CCDC197: variants seen among roughly 807,000 people sequenced by gnomAD.
CCDC197 encodes the protein uncharacterized protein CCDC197.
In CCDC197, 24 loss-of-function variants were observed where a neutral mutation model predicts 13.4. The observed-to-expected ratio is 1.80, with a 90% CI of 1.30 to 2.53. The LOEUF is 2.53. CCDC197 is among the 30% of genes most tolerant of loss of function. The pLI is 0.00. For missense variants in CCDC197, 255 were observed against 148.8 expected (o/e 1.71, Z -3.71); for synonymous variants, 99 against 55.5 (o/e 1.78, Z -3.48).
At chr14:93,988,985 A>C (rs1221610675) in intron 1 of CCDC197, among the ~76,000 whole-genome samples, 1 of 151,948 alleles carries the variant, frequency 6.6e-6, no homozygotes, top group African/African-American at 2.4e-5. Flanking sequence ...TAAACCAAGC[A>C]CTTCTGAGTG....
intron 1 of CCDC197, among the ~76,000 whole-genome samples, chr14:93,988,618 GGAGGGGTTGAGA>G (rs558912148): frequency 0.022 from 457 of 20,824 alleles, 68 homozygotes; most frequent in Middle Eastern, 0.12. Flanking sequence ...GGGAATCGGA[GGAGGGGTTGAGA>G]GAGGGGATGG....
intron 1 of CCDC197, among the ~76,000 whole-genome samples, chr14:93,990,986 AG>A (rs1890201144): frequency 1.3e-5 from 2 of 152,198 alleles, no homozygotes; most frequent in African/African-American, 4.8e-5. Context: ...GCCCAAGGCC[AG>A]GCAGCTCATG....
intron 1 of CCDC197, chr14:93,987,412 C>T (rs1288587696): frequency 6.6e-6 from 1 of 152,362 alleles, no homozygotes; most frequent in East Asian, 1.9e-4. Flanking sequence ...TGCATTTTGC[C>T]AGATCTTCTT....
At chr14:94,009,266 G>C (rs1338296228), downstream of CCDC197, among the ~76,000 whole-genome samples, 1 of 152,300 alleles carries the variant, frequency 6.6e-6, no homozygotes, top group African/African-American at 2.4e-5. Context: ...GCTAATGGGG[G>C]TGCTGAATGT....
chr14:94,007,424 A>G (rs1001075282), intron 6 of CCDC197: 1 of 152,262 alleles, frequency 6.6e-6, no homozygotes, highest in Non-Finnish European at 1.5e-5. Context: ...TCAAAAATCA[A>G]TTGACCGTAA....
upstream of CCDC197, among the ~76,000 whole-genome samples, chr14:93,994,172 C>T (rs776453691): frequency 6.6e-6 from 1 of 152,130 alleles, no homozygotes; most frequent in Non-Finnish European, 1.5e-5. Flanking sequence ...CAGCGTGGGT[C>T]GTATGCAGTT....
intron 2 of CCDC197, 102 bp downstream of exon 2, chr14:93,998,337 G>A: frequency 2.9e-6 from 2 of 694,856 alleles, no homozygotes; most frequent in South Asian, 3.1e-5. Flanking sequence ...GCCAGGACAG[G>A]GGGTGGATGA....
downstream of CCDC197, chr14:94,008,872 T>C: frequency 1.5e-6 from 1 of 658,428 alleles, no homozygotes; most frequent in African/African-American, 1.8e-5. Context: ...CCTGCCTCCT[T>C]TTCTCACCAC....
intron 4 of CCDC197, among the ~76,000 whole-genome samples, chr14:94,002,106 A>G (rs760730725): frequency 2.0e-4 from 31 of 152,268 alleles, no homozygotes; most frequent in Non-Finnish European, 8.8e-5. Flanking sequence ...AGGTGCTACT[A>G]TTCCAAGGGC....
chr14:93,998,005 A>G lies in CCDC197; in HGVS notation c.-127A>G. The G allele has an allele frequency of 1.5e-6, 1 of 653,242 alleles. No individual in the cohort carries two copies. The highest frequency in any genetic ancestry group is 2.6e-4 in the Middle Eastern group (1 of 3,904). The allele number at this position is 653,242 out of a possible 1,614,324, so 40.5% of individuals were successfully genotyped here. On this transcript the variant is annotated 5_prime_UTR_variant, in exon 2 of 7. An upstream start codon of the reference 5' UTR is lost. Transcript: ENST00000636493. ...CTGTCTCCTTTTCTGTGAGGTGGGG[A>G]TGCTAACCCTGGCTTCCAAGGATCT...
chr14:93,995,908 C>G (rs868329361), upstream of CCDC197, among the ~76,000 whole-genome samples: 2 of 152,216 alleles, frequency 1.3e-5, no homozygotes, highest in Admixed American at 6.5e-5. Context: ...TCACCAGCCA[C>G]GGTCCAAACC....
At chr14:93,999,237 A>T (rs1165056781) in intron 2 of CCDC197, 1 of 217,668 alleles carries the variant, frequency 4.6e-6, no homozygotes, top group Non-Finnish European at 9.0e-6. Flanking sequence ...ACCAGCTAAT[A>T]GGGGCCGGCC....
Position 94,003,397 on chromosome 14 carries a change from G to A in CCDC197, c.498+43G>A. On this transcript the variant is annotated intron_variant, in intron 5 of 6. Transcript: ENST00000636493. This position sits in a 1 kb window ranked among gnomAD's most constrained non-coding sequence, Gnocchi z 5.0. ...GCCTGGGGGTGGGGTTAGGGGTGGGGAAGGGGAAGCTGATGTCTCCATCAT... is the reference window on the plus strand; with the variant it reads ...GCCTGGGGGTGGGGTTAGGGGTGGGAAAGGGGAAGCTGATGTCTCCATCAT... The A allele has an allele frequency of 3.6e-6, 2 of 549,980 alleles. No homozygotes were observed. The highest frequency in any genetic ancestry group is 7.0e-6 in the Non-Finnish European group (2 of 284,532). 34.1% of individuals were successfully genotyped at this position (549,980 alleles called of 1,614,324 possible).
chr14:93,995,909 G>A (rs1051236745), upstream of CCDC197, among the ~76,000 whole-genome samples: 1 of 152,122 alleles, frequency 6.6e-6, no homozygotes, highest in Non-Finnish European at 1.5e-5. Flanking sequence ...CACCAGCCAC[G>A]GTCCAAACCA....
At chr14:94,008,875 C>T, downstream of CCDC197, 1 of 656,988 alleles carries the variant, frequency 1.5e-6, no homozygotes, top group Non-Finnish European at 2.8e-6. Context: ...GCCTCCTTTT[C>T]TCACCACCAA....
chr14:94,004,116 G>T (rs561336292), intron 5 of CCDC197, among the ~76,000 whole-genome samples: 6 of 152,296 alleles, frequency 3.9e-5, no homozygotes, highest in African/African-American at 1.4e-4. Flanking sequence ...AAAGTCCATG[G>T]CCATGAATTC....
chr14:94,010,467 G>A (rs961957473), downstream of CCDC197, among the ~76,000 whole-genome samples: 2 of 152,250 alleles, frequency 1.3e-5, no homozygotes, highest in East Asian at 1.9e-4. Context: ...GCCTCCCAAA[G>A]TGCTGGGATT....
intron 1 of CCDC197, among the ~76,000 whole-genome samples, chr14:93,987,557 T>A (rs916784571): frequency 6.6e-6 from 1 of 152,186 alleles, no homozygotes; most frequent in Non-Finnish European, 1.5e-5. Flanking sequence ...TGGAATGCCC[T>A]CTCCCTTGGG....
intron 1 of CCDC197, among the ~76,000 whole-genome samples, chr14:93,992,140 A>T (rs116732502): frequency 0.021 from 3,142 of 152,336 alleles, 114 homozygotes; most frequent in African/African-American, 0.067. Flanking sequence ...TGTTGACCTG[A>T]ACATCACTGG....
Sources: allele counts gnomAD v4.1 joint callset (sites outside exome capture counted in the v4.1 genomes callset), GRCh38; gene constraint gnomAD v4.1.1; non-coding constraint Gnocchi (gnomAD v3.1); transcripts MANE v1.5; gene names NCBI Gene and HGNC (gene_info 2026-07-23, HGNC 2026-07-21).